SPG7: variants seen among roughly 807,000 people sequenced by gnomAD.
The protein encoded by SPG7 is SPG7 matrix AAA peptidase subunit, paraplegin.
Under a neutral mutation model 81.9 loss-of-function variants are expected in SPG7, and 103 were observed. The observed-to-expected ratio is 1.26, with a 90% CI of 1.07 to 1.48. The LOEUF (loss-of-function observed/expected upper bound fraction) is 1.48, where lower values mean the gene tolerates loss of function less well. SPG7 is among the 40% of genes most tolerant of loss of function. The pLI, the probability that SPG7 is intolerant of heterozygous loss-of-function variation, is 0.00. For synonymous variants in SPG7, 534 were observed against 444.2 expected (o/e 1.20, Z -2.54); for missense variants, 1,241 against 1,087.3 (o/e 1.14, Z -1.99).
intron 8 of SPG7, 73 bp downstream of exon 8, chr16:89,532,139 G>T: frequency 1.3e-6 from 2 of 1,508,436 alleles, no homozygotes; most frequent in Non-Finnish European, 1.8e-6. Context: ...CCTTCCTCTG[G>T]TGTCTGGACT....
chr16:89,523,653 C>T, intron 3 of SPG7: 1 of 466,896 alleles, frequency 2.1e-6, no homozygotes, highest in Non-Finnish European at 4.3e-6. Context: ...GCGATCACGG[C>T]TCACTGCAGC....
intron 9 of SPG7, chr16:89,533,122 A>G (rs2946630): frequency 0.46 from 79,392 of 173,446 alleles, 18,728 homozygotes; most frequent in East Asian, 0.67. Context: ...AAAGGTCAAG[A>G]CAATAGTAAA....
rs2057962461 is a variant in SPG7 at position 89,508,555 on chromosome 16, C to T, written c.138C>T (p.Ser46=). ...GGAGGGGGCGGCCGTACATGGCCAGCAGGCCTCCGGGGGACCTCGCCGAGG... is the reference window on the plus strand; with the variant it reads ...GGAGGGGGCGGCCGTACATGGCCAGTAGGCCTCCGGGGGACCTCGCCGAGG... ...RPGRGRPYMA[S]RPPGDLAEAG... is the part of the protein sequence containing the mutation. The change falls in exon 1 of 17, where the codon AGC becomes AGT. Residue 46 remains serine (S), a synonymous_variant. Transcript: ENST00000645818. 15 of 1,504,368 alleles carry T rather than the reference C, an allele frequency of 1.0e-5. No individual in the cohort carries two copies. The highest frequency in any genetic ancestry group is 1.2e-5 in the Non-Finnish European group (14 of 1,132,042). 93.2% of individuals were successfully genotyped at this position (1,504,368 alleles called of 1,614,324 possible).
rs1207680187 is a variant in SPG7, at chr16:89,530,346, G to A, written c.862-337G>A. 14 of 375,976 alleles carry A rather than the reference G, an allele frequency of 3.7e-5. 1 individual carries two copies. The highest frequency in any genetic ancestry group is 1.8e-4 in the South Asian group (8 of 45,410). The allele number at this position is 375,976 out of a possible 1,614,324, so 23.3% of individuals were successfully genotyped here. A position where few individuals can be genotyped will look rare whatever the true frequency, so the allele number is the denominator to read the frequency against. The stretch of plus-strand genomic sequence containing the variant: ...ATTTTTGGTAGAGACAGGTTTCACC[G>A]TGTTAGCCAGGGTGGTCTCGATCTC... On this transcript the variant is annotated intron_variant, in intron 6 of 16. Coordinates refer to ENST00000645818, the MANE Select transcript of SPG7 (RefSeq NM_003119.4).
intron 9 of SPG7, among the ~76,000 whole-genome samples, chr16:89,535,247 T>C (rs1307410117): frequency 6.6e-6 from 1 of 152,168 alleles, no homozygotes. Flanking sequence ...CTGGCATGCA[T>C]CTCTTCTGGG....
At chr16:89,551,145 C>T in intron 13 of SPG7, 1 of 193,324 alleles carries the variant, frequency 5.2e-6, no homozygotes, top group Non-Finnish European at 1.1e-5. Context: ...GGTGATGTTA[C>T]AGCTTCTCTA....
chr16:89,543,911 T>A (rs1314308450), intron 9 of SPG7: 1 of 152,924 alleles, frequency 6.5e-6, no homozygotes, highest in African/African-American at 2.4e-5. Flanking sequence ...CCTCCCAAAG[T>A]TCTGGGACTA....
In SPG7 at chr16:89,553,911, G is replaced by C. The variant is rs1268821038; in HGVS notation, c.2054G>C (p.Gly685Ala). 2 of 1,612,718 alleles carry C rather than the reference G, an allele frequency of 1.2e-6. No individual in the cohort carries two copies. The highest frequency in any genetic ancestry group is 3.3e-5 in the Admixed American group (2 of 60,010). ...CCTGAGGCGCAGGAGGGCCTCATGGGCATCGGGCGGCGCCCCTTCAGCCAA... is the reference window on the plus strand; with the variant it reads ...CCTGAGGCGCAGGAGGGCCTCATGGCCATCGGGCGGCGCCCCTTCAGCCAA... ...SFPEAQEGLMGIGRRPFSQGL... is the reference protein window; with the variant it reads ...SFPEAQEGLMAIGRRPFSQGL... The change falls in exon 15 of 17, where the codon GGC becomes GCC. Residue 685 changes from glycine to alanine, a missense_variant. Transcript: ENST00000645818.
chr16:89,535,284 C>T (rs924899442), intron 9 of SPG7, among the ~76,000 whole-genome samples: 5 of 152,138 alleles, frequency 3.3e-5, no homozygotes, highest in African/African-American at 1.2e-4. Context: ...TGCTGGCGCC[C>T]GTCTCTTCTG....
chr16:89,509,712 G>A (rs2057986491), intron 1 of SPG7, among the ~76,000 whole-genome samples: 3 of 152,088 alleles, frequency 2.0e-5, no homozygotes, highest in Admixed American at 2.0e-4. Flanking sequence ...TGGAGAGCTG[G>A]GCTGCTCCCT....
Position 89,529,587 on chromosome 16 carries a change from C to T in SPG7, c.861+8C>T. 6.3e-7 allele frequency: 1 copy of T among 1,593,968 alleles called. No individual in the cohort carries two copies. Among genetic ancestry groups the T allele is most frequent in the Non-Finnish European group, 8.6e-7 (1 of 1,161,956 alleles). On this transcript the variant is annotated splice_region_variant and intron_variant, in intron 6 of 16. Transcript: ENST00000645818. ...GGTGGATTCAGTGCTTTTGTAAGTT[C>T]TGTAAATCAGAGCTCTCTGAACTCT... is the stretch of plus-strand genomic sequence containing the variant.
rs1431003309 is a variant in SPG7, at chr16:89,509,361, C to G, written c.183+761C>G. Among the ~76,000 whole-genome samples, 6 of 152,100 alleles carry G rather than the reference C, an allele frequency of 3.9e-5. No homozygotes were observed. In the South Asian group the frequency reaches 6.2e-4, roughly 16 times the overall value. ...CGCCTCCCGGGTTCAAGCGATTCTC[C>G]TGCCTCAGCCTCCTGAGTAGCTGGG... is the stretch of plus-strand genomic sequence containing the variant. On this transcript the variant is annotated intron_variant, in intron 1 of 16. Transcript: ENST00000645818.
rs1267143525 is a variant in SPG7, at chr16:89,550,596, A to C, written c.1766A>C (p.Glu589Ala). Residue 589 changes from glutamate to alanine, a missense_variant, in exon 13 of 17, where the codon GAG (glutamate) becomes GCG (alanine). Coordinates refer to ENST00000645818, the MANE Select transcript of SPG7 (RefSeq NM_003119.4). ...GTGGGCTGGATGCTGGAGCACACGG[A>C]GGCCGTGATGAAGGTGGGTCTTGGC... ...ALVGWMLEHTEAVMKVSITPR... is the reference protein window; with the variant it reads ...ALVGWMLEHTAAVMKVSITPR... 8 of 1,613,100 alleles carry C rather than the reference A, an allele frequency of 5.0e-6. No individual in the cohort carries two copies. Among genetic ancestry groups the C allele is most frequent in the Non-Finnish European group, 6.8e-6 (8 of 1,179,428 alleles).
At chr16:89,512,338 C>G (rs968850837) in intron 2 of SPG7, among the ~76,000 whole-genome samples, 1 of 151,924 alleles carries the variant, frequency 6.6e-6, no homozygotes, top group African/African-American at 2.4e-5. Flanking sequence ...ATTTGTGAGT[C>G]GGAGTCTTGC....
At chr16:89,511,639 G>A (rs1213892649) in intron 2 of SPG7, among the ~76,000 whole-genome samples, 1 of 152,198 alleles carries the variant, frequency 6.6e-6, no homozygotes, top group African/African-American at 2.4e-5. Context: ...CATGCAAGTG[G>A]CAACCGGGGC....
intron 12 of SPG7, 102 bp downstream of exon 12, chr16:89,548,215 C>T (rs533974170): frequency 1.7e-4 from 136 of 785,500 alleles, no homozygotes; most frequent in Non-Finnish European, 2.4e-4. Context: ...AACCATCACA[C>T]AGGAAGGAAC....
At chr16:89,544,588 G>A (rs1214703506) in intron 9 of SPG7, 60 bp from the exon 10 acceptor site, 1 of 1,606,628 alleles carries the variant, frequency 6.2e-7, no homozygotes, top group East Asian at 2.2e-5. Context: ...GAACCTGCAG[G>A]GGAAATCTGT....
intron 4 of SPG7, among the ~76,000 whole-genome samples, chr16:89,525,598 T>C (rs541184420): frequency 6.6e-6 from 1 of 152,258 alleles, no homozygotes; most frequent in South Asian, 2.1e-4. Flanking sequence ...GTGTCCTCCC[T>C]TTGGGGTGTT....
intron 8 of SPG7, 122 bp from the exon 9 acceptor site, chr16:89,532,341 G>T: frequency 7.9e-7 from 1 of 1,265,648 alleles, no homozygotes; most frequent in South Asian, 1.2e-5. Flanking sequence ...GTGTCTGTTT[G>T]TAGGGAATGG....
Sources: allele counts gnomAD v4.1 joint callset (sites outside exome capture counted in the v4.1 genomes callset), GRCh38; gene constraint gnomAD v4.1.1; transcripts MANE v1.5; gene names NCBI Gene and HGNC (gene_info 2026-07-23, HGNC 2026-07-21).